PTPRA: variants seen among roughly 807,000 people sequenced by gnomAD.
The protein encoded by PTPRA is receptor-type tyrosine-protein phosphatase alpha.
PTPRA carries 25 observed loss-of-function variants against 104.8 expected under a neutral mutation model. The observed-to-expected ratio is 0.24, with a 90% confidence interval of 0.17 to 0.33. PTPRA has a LOEUF of 0.33. Ranked by LOEUF, PTPRA falls within the 10% of genes least tolerant of loss-of-function variation. The probability of loss-of-function intolerance (pLI) is 1.00; values close to 1 mark genes in which losing one functional copy is unlikely to be tolerated. For missense variants in PTPRA, 765 were observed against 1,015.3 expected (o/e 0.75, Z 3.35); for synonymous variants, 323 against 368.9 (o/e 0.88, Z 1.43).
rs752557825 is a variant in PTPRA, at chr20:3,015,838, C to G, written c.907-11C>G. The G allele has an allele frequency of 4.5e-6, 7 of 1,546,932 alleles. No individual in the cohort carries two copies. In the South Asian group the frequency reaches 6.8e-5, roughly 15 times the overall value. ...TTTCTCTTTCTTTTTCTTTCCTTCCCCACACCCCAGGGCTACCAAGAAAAG... is the reference window on the plus strand; with the variant it reads ...TTTCTCTTTCTTTTTCTTTCCTTCCGCACACCCCAGGGCTACCAAGAAAAG... On this transcript the variant is annotated splice_polypyrimidine_tract_variant and intron_variant, in intron 11 of 23. Coordinates refer to ENST00000399903, the MANE Select transcript of PTPRA (RefSeq NM_001385305.1).
intron 1 of PTPRA, among the ~76,000 whole-genome samples, chr20:2,903,018 T>A (rs1158657831): frequency 6.6e-6 from 1 of 152,186 alleles, no homozygotes; most frequent in South Asian, 2.1e-4. Flanking sequence ...CTCAGTTTCT[T>A]CATCTGCAAA....
At chr20:2,864,341 C>T in the PTPRA span, 1 of 1,614,006 alleles carries the variant, frequency 6.2e-7, no homozygotes, top group African/African-American at 1.3e-5. The surrounding 1 kb of genome is among the most constrained non-coding windows in gnomAD (Gnocchi z 5.2). Flanking sequence ...GCTGGAATTC[C>T]CACTCCACCT....
At chr20:2,967,511 T>A (rs565081704) in intron 5 of PTPRA, among the ~76,000 whole-genome samples, 1 of 152,366 alleles carries the variant, frequency 6.6e-6, no homozygotes, top group Admixed American at 6.5e-5. Flanking sequence ...ATTGTTTTTC[T>A]TGTACAGTTT....
intron 9 of PTPRA, among the ~76,000 whole-genome samples, chr20:2,997,610 A>G (rs1476309464): frequency 6.6e-6 from 1 of 152,188 alleles, no homozygotes; most frequent in Non-Finnish European, 1.5e-5. Context: ...CTAAAAGGAG[A>G]CTGTAGCATT....
At chr20:2,989,772 C>G (rs548094566) in intron 9 of PTPRA, among the ~76,000 whole-genome samples, 4 of 152,328 alleles carry the variant, frequency 2.6e-5, no homozygotes, top group African/African-American at 7.2e-5. Flanking sequence ...AATCCCAGCA[C>G]TTTGGGAGGC....
chr20:3,003,078 C>G (rs998915123), intron 9 of PTPRA, among the ~76,000 whole-genome samples: 1 of 152,078 alleles, frequency 6.6e-6, no homozygotes, highest in Non-Finnish European at 1.5e-5. Context: ...CTTTCTGATA[C>G]TTCATCTCTA....
At chr20:2,870,606 C>T (rs1164688976), upstream of PTPRA, among the ~76,000 whole-genome samples, 1 of 152,204 alleles carries the variant, frequency 6.6e-6, no homozygotes, top group Non-Finnish European at 1.5e-5. Context: ...ACATGGTCTG[C>T]ACTCAATAAG....
chr20:2,864,903 G>A, the PTPRA span: 2 of 1,594,784 alleles, frequency 1.3e-6, no homozygotes, highest in Non-Finnish European at 1.7e-6. This position sits in a 1 kb window ranked among gnomAD's most constrained non-coding sequence, Gnocchi z 5.2. Flanking sequence ...GGATGGGGGA[G>A]AAGACTGTAG....
chr20:2,892,557 A>G (rs1209808361), intron 1 of PTPRA, among the ~76,000 whole-genome samples: 5 of 152,142 alleles, frequency 3.3e-5, no homozygotes, highest in Non-Finnish European at 5.9e-5. Context: ...CCAGTCAGCC[A>G]TGTGATCAGG....
At chr20:2,887,811 G>A (rs142113521) in intron 1 of PTPRA, among the ~76,000 whole-genome samples, 9 of 152,172 alleles carry the variant, frequency 5.9e-5, no homozygotes, top group Non-Finnish European at 1.2e-4. Context: ...GACTTTCACT[G>A]TCTAAAAGGA....
rs138066820 is a variant in PTPRA, at chr20:2,949,856, A to G, written c.-7+1832A>G. ...CTACATCAGTTGAAATGGTTGTATG[A>G]ACTCTTTTAATATGGGTGAATTATA... On this transcript the variant is annotated intron_variant, in intron 3 of 23. Coordinates refer to ENST00000399903, the MANE Select transcript of PTPRA (RefSeq NM_001385305.1). Among the ~76,000 whole-genome samples the G allele has an allele frequency of 5.1e-3, 779 of 152,158 alleles. 5 individuals carry two copies. Among genetic ancestry groups the G allele is most frequent in the African/African-American group, 0.018 (748 of 41,540 alleles).
intron 2 of PTPRA, among the ~76,000 whole-genome samples, chr20:2,929,662 A>C (rs1382384830): frequency 6.6e-6 from 1 of 151,572 alleles, no homozygotes; most frequent in Non-Finnish European, 1.5e-5. Context: ...CCATCTCTAC[A>C]AAAAATGCAC....
chr20:2,937,222 C>A (rs1040971637), intron 2 of PTPRA, among the ~76,000 whole-genome samples: 3 of 150,282 alleles, frequency 2.0e-5, no homozygotes, highest in Non-Finnish European at 4.4e-5. Context: ...CTCCCGGGTT[C>A]AAGCCATTCT....
intron 3 of PTPRA, among the ~76,000 whole-genome samples, chr20:2,954,947 A>G (rs1351915343): frequency 1.3e-5 from 2 of 152,206 alleles, no homozygotes; most frequent in African/African-American, 4.8e-5. Flanking sequence ...TTTGATGAAA[A>G]GGCTGTCCAT....
intron 1 of PTPRA, among the ~76,000 whole-genome samples, chr20:2,886,431 G>C (rs936445896): frequency 3.9e-5 from 6 of 152,050 alleles, no homozygotes; most frequent in Admixed American, 1.3e-4. Context: ...AGGTATATAA[G>C]GGTTTATTAT....
At chr20:2,998,575 G>T (rs891636807) in intron 9 of PTPRA, among the ~76,000 whole-genome samples, 2 of 152,162 alleles carry the variant, frequency 1.3e-5, no homozygotes, top group Non-Finnish European at 2.9e-5. Context: ...TGCTTAGTAC[G>T]AGGGAAATGC....
At chr20:3,001,510 A>G (rs1346642804) in intron 9 of PTPRA, among the ~76,000 whole-genome samples, 2 of 152,240 alleles carry the variant, frequency 1.3e-5, no homozygotes, top group African/African-American at 4.8e-5. Flanking sequence ...AGGGATGCAC[A>G]GGAAAACTAG....
chr20:2,999,175 A>G (rs1326963169), intron 9 of PTPRA, among the ~76,000 whole-genome samples: 4 of 152,172 alleles, frequency 2.6e-5, no homozygotes, highest in Admixed American at 2.0e-4. Flanking sequence ...TTAACAATTT[A>G]GAGAAAATTA....
At chr20:3,017,946 G>T in intron 13 of PTPRA, 33 bp downstream of exon 13, 2 of 1,539,714 alleles carry the variant, frequency 1.3e-6, no homozygotes, top group Non-Finnish European at 1.8e-6. Flanking sequence ...AACAGCAGAA[G>T]GATCACTCTG....
Sources: gnomAD v4.1 joint callset for allele counts (sites outside exome capture counted in the v4.1 genomes callset) on GRCh38, gnomAD v4.1.1 for gene constraint, Gnocchi (gnomAD v3.1) non-coding constraint, MANE v1.5 for transcripts, NCBI Gene and HGNC (gene_info 2026-07-23, HGNC 2026-07-21) for gene names.